Variants in PI4KA observed in about 807,000 individuals in gnomAD.
The protein encoded by PI4KA is phosphatidylinositol 4-kinase alpha.
In PI4KA, 122 loss-of-function variants were observed where a neutral mutation model predicts 271.4. The observed-to-expected ratio is 0.45, with a 90% CI of 0.39 to 0.52. The LOEUF is 0.52. Among genes scored for constraint, PI4KA ranks in the 20% least tolerant of loss-of-function variants. The pLI is 0.00. For missense variants in PI4KA, 1,969 were observed against 2,769.1 expected (o/e 0.71, Z 6.48); for synonymous variants, 1,041 against 1,078.8 (o/e 0.96, Z 0.69).
intron 52 of PI4KA, chr22:20,710,428 T>C (rs1175298255): frequency 1.1e-5 from 6 of 560,134 alleles, no homozygotes; most frequent in Non-Finnish European, 1.9e-5. Flanking sequence ...CAGGCTTTGG[T>C]GACAGGGTGG....
chr22:20,752,857 A>C (rs1279558385), intron 25 of PI4KA, 46 bp downstream of exon 25: 2 of 1,584,666 alleles, frequency 1.3e-6, no homozygotes, highest in Non-Finnish European at 1.7e-6. Flanking sequence ...AAATCACAGA[A>C]GTTTATATAC....
chr22:20,730,631 C>T (rs990300203), intron 36 of PI4KA, among the ~76,000 whole-genome samples: 11 of 152,002 alleles, frequency 7.2e-5, no homozygotes, highest in East Asian at 1.9e-4. Context: ...AGTGCAATGG[C>T]GCGATCTCAG....
intron 1 of PI4KA, among the ~76,000 whole-genome samples, chr22:20,845,064 G>A (rs900579096): frequency 6.6e-6 from 1 of 151,942 alleles, no homozygotes; most frequent in Admixed American, 6.6e-5. Flanking sequence ...GGATCCAGAG[G>A]GCTTCTACCC....
chr22:20,858,810 C>A lies in PI4KA; in HGVS notation c.-85G>T. The stretch of plus-strand genomic sequence containing the variant: ...CCTCAGGGCGCAGGCGTAGGTGCAT[C>A]CGGCTTTCCCGCCACGTGACCTCTC... On this transcript the variant is annotated 5_prime_UTR_variant, in exon 1 of 55. Coordinates refer to ENST00000255882, the MANE Select transcript of PI4KA (RefSeq NM_058004.4). 1 of 1,357,352 alleles carries A rather than the reference C, an allele frequency of 7.4e-7. No homozygotes were observed. Among genetic ancestry groups the A allele is most frequent in the Non-Finnish European group, 9.5e-7 (1 of 1,055,068 alleles). The allele number at this position is 1,357,352 out of a possible 1,614,324, so 84.1% of individuals were successfully genotyped here.
At chr22:20,779,961 A>C (rs771285493) in intron 19 of PI4KA, 2 of 1,614,242 alleles carry the variant, frequency 1.2e-6, no homozygotes, top group Non-Finnish European at 1.7e-6. Context: ...TTTTGGGTAC[A>C]CACTGCGGTC....
At chr22:20,742,576 GC>G (rs1448925363) in intron 31 of PI4KA, 31 bp downstream of exon 31, 5 of 1,611,618 alleles carry the variant, frequency 3.1e-6, no homozygotes, top group Non-Finnish European at 4.2e-6. Context: ...TTAGAAACGA[GC>G]CCAGAATTCC....
In PI4KA at chr22:20,716,763, C is replaced by T. The variant is rs368656190; in HGVS notation, c.5317+945G>A. Among the ~76,000 whole-genome samples, 31 of 152,314 alleles carry T rather than the reference C, an allele frequency of 2.0e-4. No homozygotes were observed. The East Asian group carries it at 4.2e-3, about 21-fold the overall frequency. On this transcript the variant is annotated intron_variant, in intron 45 of 54. Transcript: ENST00000255882. ...CCCAGCAGTTGTGGCCTTCCCGATG[C>T]GGGAACAGAGGCCCTGCATACATGT...
At chr22:20,790,235 G>C (rs1041016001) in intron 19 of PI4KA, among the ~76,000 whole-genome samples, 1 of 152,122 alleles carries the variant, frequency 6.6e-6, no homozygotes, top group Non-Finnish European at 1.5e-5. Flanking sequence ...AGCTGCATTA[G>C]GGCCAAAACC....
intron 1 of PI4KA, among the ~76,000 whole-genome samples, chr22:20,840,128 T>C (rs1261728107): frequency 1.3e-5 from 2 of 152,228 alleles, no homozygotes; most frequent in Non-Finnish European, 2.9e-5. Context: ...ACTAATGTGC[T>C]AGAAGACAGC....
rs748502707 is a variant in PI4KA, at chr22:20,714,658, A to C, written c.5360T>G (p.Ile1787Ser). ...CATCGGGGTCCCAGACTTGTAGTCG[A>C]TGTCCAGCACAATGGCCTCAGGGTT... ...PSNPEAIVLD[I>S]DYKSGTPMQS... is the part of the protein sequence containing the mutation. Residue 1787 changes from isoleucine to serine, a missense_variant, in exon 46 of 55, where the codon ATC (isoleucine) becomes AGC (serine). By Grantham distance (142) the Ile-to-Ser change is moderately radical. Transcript: ENST00000255882. 1 of 1,614,010 alleles carries C rather than the reference A, an allele frequency of 6.2e-7. No homozygotes were observed. Among genetic ancestry groups the C allele is most frequent in the Non-Finnish European group, 8.5e-7 (1 of 1,179,872 alleles).
In PI4KA at chr22:20,742,209, C is replaced by G. The variant is rs371108333; in HGVS notation, c.3741+19G>C. On this transcript the variant is annotated intron_variant, in intron 32 of 54. Coordinates refer to ENST00000255882, the MANE Select transcript of PI4KA (RefSeq NM_058004.4). ...TATCCCATCCCATCCTCACTGCCAA[C>G]CCGAGGTCAGGGTCCTACCGGCACT... The G allele has an allele frequency of 6.2e-7, 1 of 1,612,290 alleles. No homozygotes were observed. Among genetic ancestry groups the G allele is most frequent in the Non-Finnish European group, 8.5e-7 (1 of 1,179,094 alleles).
At chr22:20,735,349 A>T (rs1928583677) in intron 32 of PI4KA, among the ~76,000 whole-genome samples, 1 of 150,236 alleles carries the variant, frequency 6.7e-6, no homozygotes, top group East Asian at 1.9e-4. Context: ...CAAGGGCTCC[A>T]AGCGCCTGTG....
intron 45 of PI4KA, among the ~76,000 whole-genome samples, chr22:20,715,652 T>C (rs1453514001): frequency 6.6e-6 from 1 of 151,620 alleles, no homozygotes; most frequent in Non-Finnish European, 1.5e-5. Flanking sequence ...TTTGTGTACT[T>C]TTAGTTGAGA....
chr22:20,719,637 G>GA (rs1389122838), intron 43 of PI4KA, among the ~76,000 whole-genome samples: 3 of 151,916 alleles, frequency 2.0e-5, no homozygotes, highest in African/African-American at 7.3e-5. Flanking sequence ...ATGTTTTCCT[G>GA]AAAATGAACA....
chr22:20,820,482 G>A lies in PI4KA; in HGVS notation c.529+57C>T. 3 of 1,118,560 alleles carry A rather than the reference G, an allele frequency of 2.7e-6. No individual in the cohort carries two copies. The South Asian group carries it at 4.0e-5, about 15-fold the overall frequency. The allele number at this position is 1,118,560 out of a possible 1,614,324, so 69.3% of individuals were successfully genotyped here. Reference sequence around the variant, plus strand: ...CAACAACAGAAAAGACTGGAGAAAAGCAAGGGAAAGAGTAACCACAAAACC... The same window carrying A: ...CAACAACAGAAAAGACTGGAGAAAAACAAGGGAAAGAGTAACCACAAAACC... On this transcript the variant is annotated intron_variant, in intron 5 of 54. Coordinates refer to ENST00000255882, the MANE Select transcript of PI4KA (RefSeq NM_058004.4).
At chr22:20,713,934 C>T (rs988244051) in intron 47 of PI4KA, among the ~76,000 whole-genome samples, 12 of 152,208 alleles carry the variant, frequency 7.9e-5, no homozygotes, top group African/African-American at 2.4e-4. Context: ...GACAAGGTCA[C>T]AGTGGATTAG....
At position 20,805,457 on chromosome 22, in the gene PI4KA, A is replaced by G. The variant is rs931794080; in HGVS notation, c.1169-292T>C. ...GTACTAAAACCTGAATACATGAAAC[A>G]TATAAATTGGGAAGTATCGTTGCTG... On this transcript the variant is annotated intron_variant, in intron 10 of 54. Transcript: ENST00000255882. 5.9e-5 allele frequency among the ~76,000 whole-genome samples: 9 copies of G among 152,188 alleles called. No individual in the cohort carries two copies. In the East Asian group the frequency reaches 1.5e-3, roughly 26 times the overall value.
chr22:20,729,225 C>G, intron 39 of PI4KA, 88 bp downstream of exon 39: 2 of 1,132,624 alleles, frequency 1.8e-6, no homozygotes, highest in Non-Finnish European at 2.5e-6. Flanking sequence ...CTGCAGGGCA[C>G]TCCTGAGAAC....
At chr22:20,832,805 T>C (rs1924364626) in intron 3 of PI4KA, among the ~76,000 whole-genome samples, 2 of 152,200 alleles carry the variant, frequency 1.3e-5, no homozygotes. Context: ...TATCGTTTTA[T>C]TGTATCCTTT....
Sources: gnomAD v4.1 joint callset for allele counts (sites outside exome capture counted in the v4.1 genomes callset) on GRCh38, gnomAD v4.1.1 for gene constraint, MANE v1.5 for transcripts, NCBI Gene and HGNC (gene_info 2026-07-23, HGNC 2026-07-21) for gene names.